DLG2: variants seen among roughly 807,000 people sequenced by gnomAD.
DLG2 encodes the protein disks large homolog 2.
DLG2 carries 45 observed loss-of-function variants against 132.5 expected under a neutral mutation model. The ratio of observed to expected loss-of-function variants is 0.34; its 90% CI spans 0.27 to 0.44. DLG2 has a LOEUF of 0.44. Ranked by LOEUF, DLG2 falls within the 20% of genes least tolerant of loss-of-function variation. DLG2 has a pLI of 1.00. For missense variants in DLG2, 1,045 were observed against 1,196.9 expected (o/e 0.87, Z 1.87); for synonymous variants, 424 against 419.6 (o/e 1.01, Z -0.13).
At chr11:84,317,840 T>C (rs981422820) in intron 7 of DLG2, among the ~76,000 whole-genome samples, 1 of 152,218 alleles carries the variant, frequency 6.6e-6, no homozygotes, top group African/African-American at 2.4e-5. Flanking sequence ...ACCATTATAC[T>C]AGAGTCTCTT....
intron 21 of DLG2, among the ~76,000 whole-genome samples, chr11:83,487,818 T>G (rs1221717440): frequency 6.6e-6 from 1 of 151,774 alleles, no homozygotes; most frequent in African/African-American, 2.4e-5. Context: ...AGGAAAGAAT[T>G]TAAGTGTGAC....
chr11:85,517,428 C>T (rs993219046), intron 3 of DLG2, among the ~76,000 whole-genome samples: 1 of 152,006 alleles, frequency 6.6e-6, no homozygotes, highest in African/African-American at 2.4e-5. Flanking sequence ...GAAGTCCTAG[C>T]CAGGGCAATC....
chr11:85,583,845 T>C (rs934022762), intron 3 of DLG2, among the ~76,000 whole-genome samples: 5 of 152,242 alleles, frequency 3.3e-5, no homozygotes, highest in African/African-American at 7.2e-5. Context: ...CATGCCTCAG[T>C]GTATTGGGGT....
intron 2 of DLG2, among the ~76,000 whole-genome samples, chr11:85,623,546 G>A (rs748782137): frequency 1.7e-4 from 26 of 151,982 alleles, no homozygotes; most frequent in African/African-American, 6.0e-4. Context: ...CTCATGATCC[G>A]CCCGCCTCGG....
At chr11:83,600,137 A>T (rs914684134) in intron 19 of DLG2, among the ~76,000 whole-genome samples, 1 of 152,166 alleles carries the variant, frequency 6.6e-6, no homozygotes. Flanking sequence ...GTATACGTCT[A>T]TGCCAGTTAA....
At chr11:83,733,744 G>A (rs1009818042) in intron 18 of DLG2, among the ~76,000 whole-genome samples, 1 of 152,138 alleles carries the variant, frequency 6.6e-6, no homozygotes, top group Non-Finnish European at 1.5e-5. Context: ...TTCCAAATGT[G>A]CCTTTGCTCA....
At chr11:84,355,507 C>T (rs2098606060) in intron 7 of DLG2, among the ~76,000 whole-genome samples, 1 of 152,082 alleles carries the variant, frequency 6.6e-6, no homozygotes, top group South Asian at 2.1e-4. Flanking sequence ...GGCAGACCTT[C>T]ACCTGACGCC....
intron 6 of DLG2, among the ~76,000 whole-genome samples, chr11:85,065,365 G>C (rs1360759788): frequency 6.6e-6 from 1 of 151,082 alleles, no homozygotes; most frequent in Admixed American, 6.6e-5. Context: ...CTCCAGGTTT[G>C]GGAATCTCTC....
intron 4 of DLG2, among the ~76,000 whole-genome samples, chr11:85,262,155 T>G (rs2152717067): frequency 6.6e-6 from 1 of 152,244 alleles, no homozygotes; most frequent in Non-Finnish European, 1.5e-5. Flanking sequence ...TACAGAACAG[T>G]GTTGGGGACA....
At chr11:84,214,206 CAT>C (rs925726700) in intron 8 of DLG2, among the ~76,000 whole-genome samples, 2 of 130,758 alleles carry the variant, frequency 1.5e-5, no homozygotes, top group East Asian at 2.0e-4. Context: ...TATATATATA[CAT>C]ATATATATGA....
At chr11:85,161,953 C>A (rs912474747) in intron 4 of DLG2, among the ~76,000 whole-genome samples, 1 of 152,164 alleles carries the variant, frequency 6.6e-6, no homozygotes, top group South Asian at 2.1e-4. Flanking sequence ...CATGACCCCT[C>A]GTGATCCACT....
Position 84,942,792 on chromosome 11 carries a change from G to T in DLG2, c.357+168869C>A, listed in dbSNP as rs547761981. On this transcript the variant is annotated intron_variant, in intron 6 of 27. Coordinates refer to ENST00000376104, the MANE Select transcript of DLG2 (RefSeq NM_001142699.3). ...TTTTTCCTTTATTTTCTGTCTGGAT[G>T]ATCTGTTTAATGCTGAAAGTGGGGT... Among the ~76,000 whole-genome samples the T allele has an allele frequency of 7.9e-5, 12 of 152,232 alleles. No individual in the cohort carries two copies. In the South Asian group the frequency reaches 2.1e-3, roughly 26 times the overall value.
chr11:83,866,789 A>G (rs1413814754), intron 16 of DLG2, among the ~76,000 whole-genome samples: 1 of 152,096 alleles, frequency 6.6e-6, no homozygotes, highest in Non-Finnish European at 1.5e-5. Flanking sequence ...TGCCCAGTGG[A>G]TTCTGTGGCA....
At chr11:84,429,742 T>C (rs1430804826) in intron 7 of DLG2, among the ~76,000 whole-genome samples, 1 of 152,238 alleles carries the variant, frequency 6.6e-6, no homozygotes, top group East Asian at 1.9e-4. Context: ...TTTACAATGA[T>C]AATCATGCTT....
chr11:85,478,178 TTTTATTTA>T (rs879558022), intron 3 of DLG2, among the ~76,000 whole-genome samples: 1 of 151,892 alleles, frequency 6.6e-6, no homozygotes, highest in African/African-American at 2.4e-5. Context: ...TACTAACTTA[TTTTATTTA>T]TTTATTTATT....
intron 16 of DLG2, among the ~76,000 whole-genome samples, chr11:83,845,756 G>A (rs376884300): frequency 6.6e-6 from 1 of 152,282 alleles, no homozygotes; most frequent in African/African-American, 2.4e-5. Context: ...AAGAGTATGG[G>A]CATTGGAGCT....
chr11:85,193,313 C>A lies in DLG2; in HGVS notation c.187-38662G>T, dbSNP rs565356270. Among the ~76,000 whole-genome samples, 49 of 152,278 alleles carry A rather than the reference C, an allele frequency of 3.2e-4. 1 individual carries two copies. The highest frequency in any genetic ancestry group is 1.1e-3 in the African/African-American group (47 of 41,560). On this transcript the variant is annotated intron_variant, in intron 4 of 27. Coordinates refer to ENST00000376104, the MANE Select transcript of DLG2 (RefSeq NM_001142699.3). The stretch of plus-strand genomic sequence containing the variant: ...TTCTATATATTGTTTATCCATTCAT[C>A]AGTTAATGAGCACGAGGGTTATCTC...
rs150884813 is a variant in DLG2 at position 84,884,687 on chromosome 11, T to C, written c.357+226974A>G. 1.6e-3 allele frequency among the ~76,000 whole-genome samples: 249 copies of C among 152,140 alleles called. 3 individuals carry two copies. The highest frequency in any genetic ancestry group is 5.8e-3 in the African/African-American group (239 of 41,534). ...TTTAGAAGTTTTTTTTTTCCTGATCTCAACCACTAGTATATTTTATTTTCA... is the reference window on the plus strand; with the variant it reads ...TTTAGAAGTTTTTTTTTTCCTGATCCCAACCACTAGTATATTTTATTTTCA... On this transcript the variant is annotated intron_variant, in intron 6 of 27. Transcript: ENST00000376104.
chr11:85,551,511 C>A (rs1047769531), intron 3 of DLG2, among the ~76,000 whole-genome samples: 3 of 151,868 alleles, frequency 2.0e-5, no homozygotes, highest in Non-Finnish European at 4.4e-5. Context: ...AAAATTAGAT[C>A]TAAACTATTA....
Sources: allele counts gnomAD v4.1 joint callset (sites outside exome capture counted in the v4.1 genomes callset), GRCh38; gene constraint gnomAD v4.1.1; transcripts MANE v1.5; gene names NCBI Gene and HGNC (gene_info 2026-07-23, HGNC 2026-07-21).